Variants in UGT1A4 observed in about 807,000 individuals in gnomAD.
UGT1A4 encodes UDP glucuronosyltransferase family 1 member A4.
A neutral mutation model predicts 41.1 loss-of-function variants in UGT1A4; 32 were observed. That is an observed-to-expected ratio of 0.78 (90% CI 0.59 to 1.05). The LOEUF (loss-of-function observed/expected upper bound fraction) is 1.05, where lower values mean the gene tolerates loss of function less well. Among genes scored for constraint, UGT1A4 ranks in the 50% least tolerant of loss-of-function variants. The pLI is 0.00. For missense variants in UGT1A4, 748 were observed against 677.4 expected, an observed-to-expected ratio of 1.10 and a Z score of -1.16; for synonymous variants, 283 against 265.1, an observed-to-expected ratio of 1.07 and a Z score of -0.66.
intron 1 of UGT1A4, among the ~76,000 whole-genome samples, chr2:233,758,630 C>T (rs1481038877): frequency 6.6e-6 from 1 of 152,172 alleles, no homozygotes; most frequent in Non-Finnish European, 1.5e-5. Context: ...AAAGTACCTA[C>T]TCTAAGGAGA....
At chr2:233,728,480 C>T (rs1317741863) in intron 1 of UGT1A4, among the ~76,000 whole-genome samples, 1 of 152,156 alleles carries the variant, frequency 6.6e-6, no homozygotes, top group Non-Finnish European at 1.5e-5. Context: ...ATCTGATCAT[C>T]ACATCTTGAG....
At chr2:233,741,446 CAGTG>C (rs1388534811) in intron 1 of UGT1A4, 2 of 149,546 alleles carry the variant, frequency 1.3e-5, no homozygotes, top group African/African-American at 2.6e-5. Flanking sequence ...GCAAACTACT[CAGTG>C]AGTATCTTCA....
chr2:233,720,461 C>T (rs1003798976), intron 1 of UGT1A4, among the ~76,000 whole-genome samples: 2 of 151,944 alleles, frequency 1.3e-5, no homozygotes, highest in African/African-American at 4.8e-5. Flanking sequence ...AAGCTGGGAC[C>T]AGTGATGAAT....
chr2:233,724,947 G>C (rs941284896), intron 1 of UGT1A4, among the ~76,000 whole-genome samples: 2 of 144,584 alleles, frequency 1.4e-5, no homozygotes, highest in African/African-American at 5.3e-5. Context: ...CTGCAATCCC[G>C]GCACCTCGGG....
intron 1 of UGT1A4, among the ~76,000 whole-genome samples, chr2:233,745,434 A>C (rs1034656561): frequency 2.6e-5 from 4 of 151,684 alleles, no homozygotes; most frequent in Non-Finnish European, 4.4e-5. Context: ...TTGTGAGGCA[A>C]TACACTAGTA....
At chr2:233,760,300 T>G (rs1271688129) in intron 1 of UGT1A4, 1 of 1,613,254 alleles carries the variant, frequency 6.2e-7, no homozygotes, top group East Asian at 2.2e-5. Flanking sequence ...GGCTGTGGAG[T>G]CCCAGGGCGG....
chr2:233,727,229 T>C (rs1169442036), intron 1 of UGT1A4, among the ~76,000 whole-genome samples: 2 of 152,184 alleles, frequency 1.3e-5, no homozygotes, highest in African/African-American at 2.4e-5. Flanking sequence ...CATATGCGGA[T>C]GGCTCCAAGT....
intron 1 of UGT1A4, among the ~76,000 whole-genome samples, chr2:233,723,158 A>G (rs1188263696): frequency 7.4e-6 from 1 of 135,668 alleles, no homozygotes; most frequent in Non-Finnish European, 1.5e-5. Flanking sequence ...CATTTGCTTT[A>G]GTTTCAGTGC....
At chr2:233,764,944 G>A (rs994254200) in intron 1 of UGT1A4, among the ~76,000 whole-genome samples, 1 of 152,160 alleles carries the variant, frequency 6.6e-6, no homozygotes, top group South Asian at 2.1e-4. Flanking sequence ...AGAGTGGCGG[G>A]GAGAGAGGGC....
chr2:233,743,180 G>A, intron 1 of UGT1A4: 1 of 369,298 alleles, frequency 2.7e-6, no homozygotes, highest in East Asian at 7.3e-5. Context: ...GTCAAATGTG[G>A]ACTGGAATTA....
In UGT1A4 at chr2:233,719,747, A is replaced by G. The variant is rs146266651; in HGVS notation, c.867+60A>G. 35 of 1,612,826 alleles carry G rather than the reference A, an allele frequency of 2.2e-5. No homozygotes were observed. The East Asian group carries it at 7.4e-4, about 34-fold the overall frequency. ...AGGCAAAACACTTTTTAAAAAATGT[A>G]TTTACTTACAAGTGCTTCCATATCT... On this transcript the variant is annotated intron_variant, in intron 1 of 4. Transcript: ENST00000373409.
intron 1 of UGT1A4, among the ~76,000 whole-genome samples, chr2:233,744,598 C>G (rs1055879945): frequency 2.0e-5 from 3 of 151,878 alleles, no homozygotes; most frequent in East Asian, 3.8e-4. Context: ...TTGCATCTCT[C>G]TTTAGTACTT....
chr2:233,740,827 A>T lies in UGT1A4; in HGVS notation c.867+21140A>T, dbSNP rs887567904. On this transcript the variant is annotated intron_variant, in intron 1 of 4. Transcript: ENST00000373409. ...AGCACTGTTCTGTTTTTGAGCTGAGACATTTTAAAAGGAGATTTTTCAATT... is the reference window on the plus strand; with the variant it reads ...AGCACTGTTCTGTTTTTGAGCTGAGTCATTTTAAAAGGAGATTTTTCAATT... The T allele has an allele frequency of 9.9e-5, 15 of 151,890 alleles. 1 individual carries two copies. Among genetic ancestry groups the T allele is most frequent in the African/African-American group, 3.6e-4 (15 of 41,128 alleles). 9.4% of individuals were successfully genotyped at this position (151,890 alleles called of 1,614,324 possible).
chr2:233,747,129 A>G, intron 1 of UGT1A4: 1 of 1,518,564 alleles, frequency 6.6e-7, no homozygotes, highest in Non-Finnish European at 8.9e-7. Flanking sequence ...TAAGTGGCTC[A>G]GTGACAAGGT....
rs28900368 is a variant in UGT1A4 at position 233,741,162 on chromosome 2, T to C, written c.867+21475T>C. ...CATTTATGACAGCACTAATCCAGGA[T>C]ATATCAAAACTGAACTTGTGTTTGC... On this transcript the variant is annotated intron_variant, in intron 1 of 4. Transcript: ENST00000373409. 1.4e-3 allele frequency among the ~76,000 whole-genome samples: 206 copies of C among 152,072 alleles called. 9 individuals are homozygous for C. The highest frequency in any genetic ancestry group is 4.8e-3 in the African/African-American group (198 of 41,316).
At chr2:233,765,130 A>G (rs1448520577) in intron 1 of UGT1A4, among the ~76,000 whole-genome samples, 4 of 152,148 alleles carry the variant, frequency 2.6e-5, no homozygotes, top group Non-Finnish European at 4.4e-5. Context: ...AGGTTTTAGC[A>G]CTGAACATCA....
chr2:233,739,933 AAGGTTGGTACC>A (rs1221573721), intron 1 of UGT1A4, among the ~76,000 whole-genome samples: 1 of 151,674 alleles, frequency 6.6e-6, no homozygotes, highest in Non-Finnish European at 1.5e-5. Context: ...CCCATGTGTT[AAGGTTGGTACC>A]TGGTGGGAGC....
chr2:233,747,103 T>A, intron 1 of UGT1A4: 1 of 1,362,910 alleles, frequency 7.3e-7, no homozygotes, highest in Non-Finnish European at 1.0e-6. Flanking sequence ...TATCTTCCAA[T>A]TACATGATGA....
At chr2:233,762,729 T>G (rs1012866470) in intron 1 of UGT1A4, among the ~76,000 whole-genome samples, 22 of 152,030 alleles carry the variant, frequency 1.4e-4, no homozygotes, top group Non-Finnish European at 3.2e-4. Context: ...TTTTTTTTTT[T>G]GGTCACTACT....
Sources: allele counts gnomAD v4.1 joint callset (sites outside exome capture counted in the v4.1 genomes callset), GRCh38; gene constraint gnomAD v4.1.1; transcripts MANE v1.5; gene names NCBI Gene and HGNC (gene_info 2026-07-23, HGNC 2026-07-21).